ASCC3: variants seen among roughly 807,000 people sequenced by gnomAD.
ASCC3 encodes the protein ASC-1 complex subunit P200.
Under a neutral mutation model 256.3 loss-of-function variants are expected in ASCC3, and 158 were observed. The observed-to-expected ratio is 0.62, with a 90% confidence interval of 0.54 to 0.70. The LOEUF is 0.70. ASCC3 is among the 30% of genes least tolerant of loss of function. ASCC3 has a pLI of 0.00. For synonymous variants in ASCC3, 948 were observed against 883.4 expected (o/e 1.07, Z -1.30); for missense variants, 2,259 against 2,626.0 (o/e 0.86, Z 3.05).
chr6:100,653,231 C>A (rs1475308988), intron 17 of ASCC3, among the ~76,000 whole-genome samples: 1 of 152,080 alleles, frequency 6.6e-6, no homozygotes, highest in Non-Finnish European at 1.5e-5. Flanking sequence ...TTCTCCCATA[C>A]TAAAGTAAAT....
At chr6:100,800,863 A>G (rs776133991) in intron 5 of ASCC3, among the ~76,000 whole-genome samples, 84 of 151,692 alleles carry the variant, frequency 5.5e-4, no homozygotes, top group Non-Finnish European at 9.6e-4. Flanking sequence ...GATAATAATT[A>G]GCATTTACTG....
chr6:100,649,203 T>C (rs571935200), intron 20 of ASCC3, among the ~76,000 whole-genome samples: 2 of 151,778 alleles, frequency 1.3e-5, no homozygotes, highest in South Asian at 4.1e-4. Context: ...ATGAAGAGAA[T>C]TAAAGTTTTA....
At chr6:100,720,705 T>A (rs114839115) in intron 11 of ASCC3, among the ~76,000 whole-genome samples, 1,849 of 151,518 alleles carry the variant, frequency 0.012, 40 homozygotes, top group African/African-American at 0.042. Flanking sequence ...TTTCTTAAGA[T>A]AACAAACAGC....
intron 36 of ASCC3, among the ~76,000 whole-genome samples, chr6:100,568,972 G>A (rs1770434976): frequency 6.6e-6 from 1 of 151,558 alleles, no homozygotes. Flanking sequence ...GTAGAGACAG[G>A]GTTTCACCAC....
chr6:100,649,171 G>A (rs1775537789), intron 20 of ASCC3, among the ~76,000 whole-genome samples: 1 of 151,746 alleles, frequency 6.6e-6, no homozygotes, highest in Admixed American at 6.6e-5. Context: ...TTAATCAGAA[G>A]TTGACTTCCT....
chr6:100,764,174 T>C (rs550254139), intron 10 of ASCC3, among the ~76,000 whole-genome samples: 3 of 152,326 alleles, frequency 2.0e-5, no homozygotes, highest in East Asian at 3.9e-4. Flanking sequence ...AAAATTTTAC[T>C]TGAGAGTGAT....
chr6:100,849,799 T>C (rs1283901276), intron 3 of ASCC3, among the ~76,000 whole-genome samples: 1 of 152,058 alleles, frequency 6.6e-6, no homozygotes, highest in South Asian at 2.1e-4. Context: ...TAATGAATAC[T>C]GGTATCTTTC....
chr6:100,589,075 T>C (rs968751061), intron 36 of ASCC3, among the ~76,000 whole-genome samples: 11 of 152,138 alleles, frequency 7.2e-5, no homozygotes, highest in Non-Finnish European at 1.3e-4. Context: ...GCTTCTAATA[T>C]TAATTTCTTA....
chr6:100,661,700 C>T, intron 16 of ASCC3, 106 bp downstream of exon 16: 3 of 1,100,452 alleles, frequency 2.7e-6, no homozygotes, highest in Non-Finnish European at 4.1e-6. Flanking sequence ...ATGGCATAGG[C>T]TGTAATCCTA....
chr6:100,601,212 A>G (rs188072146), intron 34 of ASCC3, among the ~76,000 whole-genome samples: 12 of 152,020 alleles, frequency 7.9e-5, no homozygotes, highest in African/African-American at 2.7e-4. Flanking sequence ...CTACTAGAGG[A>G]TTTATAATAT....
chr6:100,698,960 C>T (rs540855336), intron 13 of ASCC3, among the ~76,000 whole-genome samples: 76 of 152,228 alleles, frequency 5.0e-4, no homozygotes, highest in African/African-American at 1.7e-3. Flanking sequence ...AACTATATGC[C>T]AAGTGCTGGT....
At chr6:100,676,685 C>CAGTTGCAGCTA (rs1196157416) in intron 14 of ASCC3, among the ~76,000 whole-genome samples, 2 of 152,168 alleles carry the variant, frequency 1.3e-5, no homozygotes, top group African/African-American at 2.4e-5. Flanking sequence ...AGACTCATTT[C>CAGTTGCAGCTA]AGTTGCAGCT....
At chr6:100,859,953 A>G (rs1773142286) in intron 3 of ASCC3, among the ~76,000 whole-genome samples, 1 of 151,980 alleles carries the variant, frequency 6.6e-6, no homozygotes, top group Admixed American at 6.6e-5. Flanking sequence ...GCTCTTGAAG[A>G]GATATTCAGT....
At chr6:100,683,960 GA>G (rs200777755) in intron 13 of ASCC3, among the ~76,000 whole-genome samples, 1 of 151,786 alleles carries the variant, frequency 6.6e-6, no homozygotes, top group South Asian at 2.1e-4. Flanking sequence ...CCATACTTGG[GA>G]AAAAAAAGTA....
At chr6:100,762,386 T>C (rs1353976504) in intron 10 of ASCC3, among the ~76,000 whole-genome samples, 1 of 152,202 alleles carries the variant, frequency 6.6e-6, no homozygotes, top group African/African-American at 2.4e-5. Context: ...CACTGCTCAA[T>C]GGAACCACTG....
intron 14 of ASCC3, among the ~76,000 whole-genome samples, chr6:100,677,337 T>TAAAAAAAAAAAAAA (rs879435725): frequency 4.5e-4 from 66 of 147,536 alleles, no homozygotes; most frequent in South Asian, 1.5e-3. Flanking sequence ...CTATTTTATT[T>TAAAAAAAAAAAAAA]AAAAAAAAAA....
intron 3 of ASCC3, 108 bp downstream of exon 3, chr6:100,863,956 G>C: frequency 9.6e-7 from 1 of 1,039,484 alleles, no homozygotes; most frequent in Non-Finnish European, 1.4e-6. Context: ...ATACTTAGAT[G>C]CCAGGAAATT....
chr6:100,574,410 T>C (rs1470586094), intron 36 of ASCC3, among the ~76,000 whole-genome samples: 1 of 152,114 alleles, frequency 6.6e-6, no homozygotes, highest in East Asian at 1.9e-4. Flanking sequence ...ATATAAATTC[T>C]AACACTGTCT....
Position 100,720,497 on chromosome 6 carries a change from C to T in ASCC3, c.1903-2246G>A, listed in dbSNP as rs76670405. Reference sequence around the variant, plus strand: ...TTTACAATCCTTATCTCACAACCAACAACACATTCTGCCTCAAGTTAGATT... The same window carrying T: ...TTTACAATCCTTATCTCACAACCAATAACACATTCTGCCTCAAGTTAGATT... On this transcript the variant is annotated intron_variant, in intron 11 of 41. Transcript: ENST00000369162. Among the ~76,000 whole-genome samples, 1,112 of 151,924 alleles carry T rather than the reference C, an allele frequency of 7.3e-3. 13 individuals carry two copies. The highest frequency in any genetic ancestry group is 0.025 in the African/African-American group (1,036 of 41,516).
Sources: allele counts gnomAD v4.1 joint callset (sites outside exome capture counted in the v4.1 genomes callset), GRCh38; gene constraint gnomAD v4.1.1; transcripts MANE v1.5; gene names NCBI Gene and HGNC (gene_info 2026-07-23, HGNC 2026-07-21).